Variants in ZBTB26 observed in about 807,000 individuals in gnomAD.
ZBTB26 encodes zinc finger and BTB domain containing 26.
ZBTB26 carries 12 observed loss-of-function variants against 31.6 expected under a neutral mutation model. The observed-to-expected ratio is 0.38, with a 90% CI of 0.24 to 0.61. ZBTB26 has a LOEUF of 0.61. ZBTB26 is among the 20% of genes least tolerant of loss of function. ZBTB26 has a pLI of 0.60. For synonymous variants in ZBTB26, 155 were observed against 182.9 expected, an observed-to-expected ratio of 0.85 and a Z score of 1.23; for missense variants, 311 against 521.9, an observed-to-expected ratio of 0.60 and a Z score of 3.94.
chr9:122,925,033 T>A (rs1036778280), intron 1 of ZBTB26, among the ~76,000 whole-genome samples: 1 of 152,158 alleles, frequency 6.6e-6, no homozygotes, highest in African/African-American at 2.4e-5. Flanking sequence ...AGAGAAATGA[T>A]ACCTAATCTT....
intron 1 of ZBTB26, among the ~76,000 whole-genome samples, chr9:122,925,979 C>A (rs779775087): frequency 3.3e-5 from 5 of 151,860 alleles, no homozygotes; most frequent in Non-Finnish European, 5.9e-5. Flanking sequence ...AGGCTGGTCT[C>A]GAACTCCCGA....
intron 1 of ZBTB26, among the ~76,000 whole-genome samples, chr9:122,923,968 T>C (rs1015836950): frequency 6.6e-6 from 1 of 152,200 alleles, no homozygotes; most frequent in African/African-American, 2.4e-5. Flanking sequence ...TAGTAACATG[T>C]GGTACAGGTT....
At chr9:122,922,962 G>A (rs911680302) in intron 1 of ZBTB26, among the ~76,000 whole-genome samples, 3 of 152,110 alleles carry the variant, frequency 2.0e-5, no homozygotes, top group Non-Finnish European at 2.9e-5. Flanking sequence ...AAGGCTGGTG[G>A]ATCACGAGGT....
rs1208082366 is a variant in ZBTB26, at chr9:122,916,776, ATCATACT to A, written c.*1826_*1832del. The A allele has an allele frequency of 6.6e-6, 1 of 152,234 alleles. No individual in the cohort carries two copies. The highest frequency in any genetic ancestry group is 2.4e-5 in the African/African-American group (1 of 41,474). 9.4% of individuals were successfully genotyped at this position (152,234 alleles called of 1,614,324 possible). ...TTAAATATTTGAACAAAAGACAAAA[ATCATACT>A]TCACATCTGACTCACATGATGATAA... is the stretch of plus-strand genomic sequence containing the variant. On this transcript the variant is annotated 3_prime_UTR_variant, in exon 2 of 2. Coordinates refer to ENST00000373656, the MANE Select transcript of ZBTB26 (RefSeq NM_020924.4).
In ZBTB26 at chr9:122,918,455, A is replaced by T; in HGVS notation, c.*154T>A. On this transcript the variant is annotated 3_prime_UTR_variant, in exon 2 of 2. Coordinates refer to ENST00000373656, the MANE Select transcript of ZBTB26 (RefSeq NM_020924.4). ...GCAAAAGTAAGGCAAATCCACTCCA[A>T]GTGGTAAGTTGCCTGGTCTATTAGT... The T allele has an allele frequency of 8.8e-7, 1 of 1,136,262 alleles. No homozygotes were observed. Among genetic ancestry groups the T allele is most frequent in the East Asian group, 2.4e-5 (1 of 40,854 alleles). The allele number at this position is 1,136,262 out of a possible 1,614,324, so 70.4% of individuals were successfully genotyped here.
At chr9:122,924,882 C>A (rs748358130) in intron 1 of ZBTB26, among the ~76,000 whole-genome samples, 1 of 152,074 alleles carries the variant, frequency 6.6e-6, no homozygotes, top group African/African-American at 2.4e-5. Context: ...ACCTAAAACT[C>A]CTGGGTTCAA....
chr9:122,929,324 T>A (rs1015851279), intron 1 of ZBTB26, among the ~76,000 whole-genome samples: 5 of 152,226 alleles, frequency 3.3e-5, no homozygotes, highest in Non-Finnish European at 7.3e-5. Flanking sequence ...AATCCTTTAC[T>A]TACCTTCTTC....
intron 1 of ZBTB26, among the ~76,000 whole-genome samples, chr9:122,928,412 T>C (rs570297467): frequency 6.6e-6 from 1 of 152,176 alleles, no homozygotes; most frequent in East Asian, 1.9e-4. Context: ...GTGATTCTCA[T>C]GCCTCAGCCT....
intron 1 of ZBTB26, among the ~76,000 whole-genome samples, chr9:122,923,119 G>T (rs1258838674): frequency 6.6e-6 from 1 of 151,130 alleles, no homozygotes; most frequent in Admixed American, 6.6e-5. Flanking sequence ...GGGAGGTGGA[G>T]GTTGCAGTGA....
rs926842533 is a variant in ZBTB26 at position 122,918,252 on chromosome 9, A to G, written c.*357T>C. On this transcript the variant is annotated 3_prime_UTR_variant, in exon 2 of 2. Transcript: ENST00000373656. ...CACTTCTCTTAGCATAGCATCTATT[A>G]GTGGAGAGTAGGTGACGTTATTAAC... The G allele has an allele frequency of 3.4e-5, 7 of 205,970 alleles. No individual in the cohort carries two copies. Among genetic ancestry groups the G allele is most frequent in the African/African-American group, 1.6e-4 (7 of 42,778 alleles). The allele number at this position is 205,970 out of a possible 1,614,324, so 12.8% of individuals were successfully genotyped here.
At chr9:122,921,684 C>T (rs1833102476) in intron 1 of ZBTB26, among the ~76,000 whole-genome samples, 1 of 152,218 alleles carries the variant, frequency 6.6e-6, no homozygotes, top group African/African-American at 2.4e-5. Flanking sequence ...GTAATCCCAG[C>T]ACTTCTGGAG....
At chr9:122,922,297 T>G (rs1385451511) in intron 1 of ZBTB26, among the ~76,000 whole-genome samples, 3 of 152,126 alleles carry the variant, frequency 2.0e-5, no homozygotes, top group African/African-American at 7.2e-5. Flanking sequence ...TGTGACTCCT[T>G]TATTTTCTCT....
At position 122,917,745 on chromosome 9, in the gene ZBTB26, CCT is replaced by C. The variant is rs1833033590; in HGVS notation, c.*862_*863del. 1 of 152,180 alleles carries C rather than the reference CCT, an allele frequency of 6.6e-6. No homozygotes were observed. Among genetic ancestry groups the C allele is most frequent in the Admixed American group, 6.5e-5 (1 of 15,280 alleles). The allele number at this position is 152,180 out of a possible 1,614,324, so 9.4% of individuals were successfully genotyped here. A position where few individuals can be genotyped will look rare whatever the true frequency, so the allele number is the denominator to read the frequency against. ...ACAAAATTCAGAGACTCCCAAATAGCCTCTTTTTAGAGAGCCCACTATACTTT... is the reference window on the plus strand; with the variant it reads ...ACAAAATTCAGAGACTCCCAAATAGCCTTTTTAGAGAGCCCACTATACTTT... On this transcript the variant is annotated 3_prime_UTR_variant, in exon 2 of 2. Coordinates refer to ENST00000373656, the MANE Select transcript of ZBTB26 (RefSeq NM_020924.4).
In ZBTB26 at chr9:122,919,785, C is replaced by T; in HGVS notation, c.150G>A (p.Val50=). Residue 50 remains valine, a synonymous_variant, in exon 2 of 2, where the codon GTG becomes GTA. Coordinates refer to ENST00000373656, the MANE Select transcript of ZBTB26 (RefSeq NM_020924.4). This position sits in a 1 kb window ranked among gnomAD's most constrained non-coding sequence, Gnocchi z 6.1. ...TTAAGAAGGGGGAACCTGCAGCAAACACAATTTTATGTCCCTGTACCTCAA... is the reference window on the plus strand; with the variant it reads ...TTAAGAAGGGGGAACCTGCAGCAAATACAATTTTATGTCCCTGTACCTCAA... ...DDIEVQGHKI[V]FAAGSPFLRD... 5.0e-6 allele frequency: 8 copies of T among 1,614,144 alleles called. No homozygotes were observed. Among genetic ancestry groups the T allele is most frequent in the Non-Finnish European group, 6.8e-6 (8 of 1,180,010 alleles).
rs1423233391 is a variant in ZBTB26, at chr9:122,917,378, C to T, written c.*1231G>A. On this transcript the variant is annotated 3_prime_UTR_variant, in exon 2 of 2. Transcript: ENST00000373656. ...GACCTCTTAAGATTCTCTAAGGACT[C>T]TACTAATACTATTACCTAAATCTAA... The T allele has an allele frequency of 6.6e-6, 1 of 152,200 alleles. No homozygotes were observed. Among genetic ancestry groups the T allele is most frequent in the African/African-American group, 2.4e-5 (1 of 41,450 alleles). 9.4% of individuals were successfully genotyped at this position (152,200 alleles called of 1,614,324 possible).
intron 1 of ZBTB26, among the ~76,000 whole-genome samples, chr9:122,927,972 T>C (rs1016739286): frequency 5.9e-5 from 9 of 151,960 alleles, no homozygotes; most frequent in African/African-American, 2.2e-4. Flanking sequence ...GTAGCTAGGA[T>C]TACAGGCATG....
rs1225911255 is a variant in ZBTB26 at position 122,918,474 on chromosome 9, T to C, written c.*135A>G. The C allele has an allele frequency of 4.4e-6, 6 of 1,351,820 alleles. No homozygotes were observed. The highest frequency in any genetic ancestry group is 1.5e-5 in the African/African-American group (1 of 68,598). The allele number at this position is 1,351,820 out of a possible 1,614,324, so 83.7% of individuals were successfully genotyped here. On this transcript the variant is annotated 3_prime_UTR_variant, in exon 2 of 2. Coordinates refer to ENST00000373656, the MANE Select transcript of ZBTB26 (RefSeq NM_020924.4). ...ACTCCAAGTGGTAAGTTGCCTGGTC[T>C]ATTAGTGCTTTGACTCACTCCCTAC...
In ZBTB26 at chr9:122,917,033, T is replaced by C. The variant is rs1488004490; in HGVS notation, c.*1576A>G. Reference sequence around the variant, plus strand: ...TGCTTTTTCCCTCCCTAAACAAACCTAGCAAATCACTCACTTGGATGGGAA... The same window carrying C: ...TGCTTTTTCCCTCCCTAAACAAACCCAGCAAATCACTCACTTGGATGGGAA... On this transcript the variant is annotated 3_prime_UTR_variant, in exon 2 of 2. Coordinates refer to ENST00000373656, the MANE Select transcript of ZBTB26 (RefSeq NM_020924.4). 2.0e-5 allele frequency: 3 copies of C among 152,200 alleles called. No homozygotes were observed. The highest frequency in any genetic ancestry group is 7.2e-5 in the African/African-American group (3 of 41,446). The allele number at this position is 152,200 out of a possible 1,614,324, so 9.4% of individuals were successfully genotyped here.
chr9:122,920,675 TG>T (rs1363621121), intron 1 of ZBTB26, among the ~76,000 whole-genome samples: 2 of 152,214 alleles, frequency 1.3e-5, no homozygotes, highest in Non-Finnish European at 2.9e-5. Context: ...CTGTCCATTC[TG>T]GAAAAATCTA....
Sources: gnomAD v4.1 joint callset for allele counts (sites outside exome capture counted in the v4.1 genomes callset) on GRCh38, gnomAD v4.1.1 for gene constraint, Gnocchi (gnomAD v3.1) non-coding constraint, MANE v1.5 for transcripts, NCBI Gene and HGNC (gene_info 2026-07-23, HGNC 2026-07-21) for gene names.